Variants in MAGI1 observed in about 807,000 individuals in gnomAD.
MAGI1 encodes membrane-associated guanylate kinase, WW and PDZ domain-containing protein 1.
In MAGI1, 58 loss-of-function variants were observed where a neutral mutation model predicts 139.9. The ratio of observed to expected loss-of-function variants is 0.41; its 90% CI spans 0.34 to 0.52. The LOEUF (loss-of-function observed/expected upper bound fraction) is 0.52, where lower values mean the gene tolerates loss of function less well. MAGI1 is among the 20% of genes least tolerant of loss of function. The pLI is 0.12. For missense variants in MAGI1, 1,874 were observed against 1,901.6 expected, an observed-to-expected ratio of 0.99 and a Z score of 0.27; for synonymous variants, 812 against 737.9, an observed-to-expected ratio of 1.10 and a Z score of -1.63.
At chr3:66,024,674 T>C (rs1188767514) in intron 1 of MAGI1, among the ~76,000 whole-genome samples, 4 of 151,984 alleles carry the variant, frequency 2.6e-5, no homozygotes, top group Non-Finnish European at 4.4e-5. Context: ...GGTGTGGTGG[T>C]GCATGCCTGT....
At chr3:65,993,723 G>C (rs960606531) in intron 1 of MAGI1, among the ~76,000 whole-genome samples, 4 of 152,160 alleles carry the variant, frequency 2.6e-5, no homozygotes, top group African/African-American at 9.7e-5. Context: ...TTCAGACTCT[G>C]TGAAGTAAGC....
intron 12 of MAGI1, among the ~76,000 whole-genome samples, chr3:65,420,887 T>G (rs761275829): frequency 3.3e-5 from 5 of 152,202 alleles, no homozygotes; most frequent in African/African-American, 4.8e-5. Context: ...AGTAAAAGTT[T>G]TAGGTGTGCC....
intron 1 of MAGI1, among the ~76,000 whole-genome samples, chr3:65,753,697 CAAAAA>C (rs35459634): frequency 1.9e-5 from 2 of 104,184 alleles, no homozygotes; most frequent in African/African-American, 3.3e-5. Flanking sequence ...AACTCCATCT[CAAAAA>C]AAAAAAAAAA....
chr3:65,481,357 T>C (rs966222688), intron 3 of MAGI1, among the ~76,000 whole-genome samples: 1 of 152,194 alleles, frequency 6.6e-6, no homozygotes, highest in Non-Finnish European at 1.5e-5. Flanking sequence ...GTCTCATGCC[T>C]TCATTGAAGG....
At chr3:65,457,552 T>G (rs776394482) in intron 5 of MAGI1, among the ~76,000 whole-genome samples, 1 of 152,222 alleles carries the variant, frequency 6.6e-6, no homozygotes, top group Non-Finnish European at 1.5e-5. Context: ...GTTTGTTAGA[T>G]TGACACCTGT....
At chr3:65,621,674 A>C (rs766939713) in intron 2 of MAGI1, among the ~76,000 whole-genome samples, 7 of 152,120 alleles carry the variant, frequency 4.6e-5, no homozygotes, top group Non-Finnish European at 8.8e-5. Flanking sequence ...GCCTGATCTC[A>C]TTGACTCCTC....
At chr3:65,412,602 A>G (rs1419922756) in intron 12 of MAGI1, among the ~76,000 whole-genome samples, 1 of 152,236 alleles carries the variant, frequency 6.6e-6, no homozygotes, top group Non-Finnish European at 1.5e-5. Context: ...GCATGTATGA[A>G]TGTGCAGAGC....
chr3:65,373,918 T>C (rs1421622443), intron 18 of MAGI1, among the ~76,000 whole-genome samples: 2 of 152,226 alleles, frequency 1.3e-5, no homozygotes, highest in East Asian at 3.9e-4. Flanking sequence ...CAATTTTAAA[T>C]TTTTACTGTT....
chr3:65,356,792 C>T lies in MAGI1; in HGVS notation c.3975G>A (p.Lys1325=), dbSNP rs1940225176. Residue 1325 remains lysine, a synonymous_variant, in exon 23 of 23, where the codon AAG becomes AAA. Coordinates refer to ENST00000402939, the MANE Select transcript of MAGI1 (RefSeq NM_001033057.2). Reference sequence around the variant, plus strand: ...CGGCGCTGCGGGTGCCCTCCCTCCGCTTCTCTGGGGACCGCCTCTTGGGGC... The same window carrying T: ...CGGCGCTGCGGGTGCCCTCCCTCCGTTTCTCTGGGGACCGCCTCTTGGGGC... The part of the protein sequence containing the change: ...ANGPKRRSPE[K]RREGTRSADN... 1 of 1,610,250 alleles carries T rather than the reference C, an allele frequency of 6.2e-7. No individual in the cohort carries two copies. Among genetic ancestry groups the T allele is most frequent in the Non-Finnish European group, 8.5e-7 (1 of 1,177,976 alleles).
intron 1 of MAGI1, among the ~76,000 whole-genome samples, chr3:65,959,609 TATTA>T (rs2064312232): frequency 1.5e-5 from 2 of 134,356 alleles, no homozygotes; most frequent in Non-Finnish European, 3.2e-5. Context: ...TTTTTATTAT[TATTA>T]TTATTATTAT....
intron 5 of MAGI1, among the ~76,000 whole-genome samples, chr3:65,468,624 G>A (rs1256114981): frequency 6.6e-6 from 1 of 151,954 alleles, no homozygotes; most frequent in Admixed American, 6.6e-5. Context: ...TGATCTGCCT[G>A]CCTTGGCCTC....
At chr3:65,815,925 T>C (rs1209657109) in intron 1 of MAGI1, among the ~76,000 whole-genome samples, 1 of 152,164 alleles carries the variant, frequency 6.6e-6, no homozygotes, top group Non-Finnish European at 1.5e-5. Flanking sequence ...CATACTCCAC[T>C]GCCTCTCTCT....
chr3:65,476,961 T>G (rs902067494), intron 4 of MAGI1, among the ~76,000 whole-genome samples: 10 of 152,188 alleles, frequency 6.6e-5, no homozygotes, highest in South Asian at 6.2e-4. Flanking sequence ...GCCTAACCCA[T>G]TCTAATTGAG....
chr3:65,657,554 G>A (rs1404062645), intron 1 of MAGI1, among the ~76,000 whole-genome samples: 6 of 152,120 alleles, frequency 3.9e-5, no homozygotes, highest in Non-Finnish European at 8.8e-5. Flanking sequence ...CTTATTTAGG[G>A]AGCCAGTTGT....
chr3:65,966,894 CTCTT>C (rs2064773961), intron 1 of MAGI1, among the ~76,000 whole-genome samples: 1 of 152,210 alleles, frequency 6.6e-6, no homozygotes, highest in Non-Finnish European at 1.5e-5. Flanking sequence ...AGCACTTACT[CTCTT>C]TCATATACCA....
chr3:65,506,284 T>C (rs2077284878), intron 2 of MAGI1, among the ~76,000 whole-genome samples: 1 of 152,146 alleles, frequency 6.6e-6, no homozygotes. Flanking sequence ...ATAACACAAG[T>C]AAAATGCTTA....
intron 1 of MAGI1, among the ~76,000 whole-genome samples, chr3:65,868,123 T>C (rs570591682): frequency 1.9e-3 from 287 of 152,284 alleles, no homozygotes; most frequent in Non-Finnish European, 3.5e-3. Context: ...AGTGCTTTCC[T>C]ACCACAGCCT....
chr3:65,913,175 C>T (rs909893617), intron 1 of MAGI1, among the ~76,000 whole-genome samples: 82 of 151,994 alleles, frequency 5.4e-4, no homozygotes, highest in African/African-American at 1.9e-3. Flanking sequence ...GCACAGGAGG[C>T]GGAGGTTGAA....
intron 1 of MAGI1, among the ~76,000 whole-genome samples, chr3:66,009,870 G>T (rs1190162150): frequency 6.6e-6 from 1 of 151,930 alleles, no homozygotes; most frequent in Non-Finnish European, 1.5e-5. Flanking sequence ...GAGGTCAGGA[G>T]TTCCAGACCA....
Sources: gnomAD v4.1 joint callset for allele counts (sites outside exome capture counted in the v4.1 genomes callset) on GRCh38, gnomAD v4.1.1 for gene constraint, MANE v1.5 for transcripts, NCBI Gene and HGNC (gene_info 2026-07-23, HGNC 2026-07-21) for gene names.